Variants in FSTL4 observed in about 807,000 individuals in gnomAD.
FSTL4 encodes follistatin-related protein 4.
FSTL4 carries 28 observed loss-of-function variants against 78.2 expected under a neutral mutation model. The observed-to-expected ratio is 0.36, with a 90% CI of 0.27 to 0.49. The LOEUF (loss-of-function observed/expected upper bound fraction) is 0.49, where lower values mean the gene tolerates loss of function less well. Ranked by LOEUF, FSTL4 falls within the 20% of genes least tolerant of loss-of-function variation. The probability of loss-of-function intolerance (pLI) is 0.98; values close to 1 mark genes in which losing one functional copy is unlikely to be tolerated. For synonymous variants in FSTL4, 422 were observed against 440.5 expected (o/e 0.96, Z 0.53); for missense variants, 922 against 1,084.9 (o/e 0.85, Z 2.11).
chr5:133,216,140 C>T (rs1282440778), intron 13 of FSTL4, among the ~76,000 whole-genome samples: 1 of 152,154 alleles, frequency 6.6e-6, no homozygotes, highest in Non-Finnish European at 1.5e-5. Flanking sequence ...ATCCTTTTTA[C>T]CTCAAGCCTT....
At chr5:133,291,031 A>G (rs1753251159) in intron 6 of FSTL4, among the ~76,000 whole-genome samples, 1 of 152,222 alleles carries the variant, frequency 6.6e-6, no homozygotes, top group Admixed American at 6.5e-5. Flanking sequence ...CCATCTCCTG[A>G]GCCTGCGCTC....
At chr5:133,671,743 G>A in the FSTL4 span, among the ~76,000 whole-genome samples, 3 of 152,092 alleles carry the variant, frequency 2.0e-5, no homozygotes, top group South Asian at 6.2e-4. Context: ...CAAAGGCAGA[G>A]GAAAACAAAG....
At position 133,396,910 on chromosome 5, in the gene FSTL4, A is replaced by G. The variant is rs144993192; in HGVS notation, c.409+3828T>C. 4.1e-3 allele frequency among the ~76,000 whole-genome samples: 618 copies of G among 151,980 alleles called. 4 individuals carry two copies. The highest frequency in any genetic ancestry group is 0.01 in the Middle Eastern group (3 of 294). ...TTTCCTGTCTTTCATTAGGTTGGGAACTCCCCTCTGAAGCACCCAAATCCA... is the reference window on the plus strand; with the variant it reads ...TTTCCTGTCTTTCATTAGGTTGGGAGCTCCCCTCTGAAGCACCCAAATCCA... On this transcript the variant is annotated intron_variant, in intron 4 of 15. Transcript: ENST00000265342.
At position 133,236,454 on chromosome 5, in the gene FSTL4, C is replaced by T. The variant is rs1440520065; in HGVS notation, c.895-2917G>A. ...ACCCTGAAAACCCCAATCCAGAAAA[C>T]AAAACAAAAGCCCAGTTCCCCAGGG... On this transcript the variant is annotated intron_variant, in intron 7 of 15. Coordinates refer to ENST00000265342, the MANE Select transcript of FSTL4 (RefSeq NM_015082.2). This position sits in a 1 kb window ranked among gnomAD's most constrained non-coding sequence, Gnocchi z 5.0. 6.6e-6 allele frequency among the ~76,000 whole-genome samples: 1 copy of T among 152,042 alleles called. No individual in the cohort carries two copies. The highest frequency in any genetic ancestry group is 1.9e-4 in the East Asian group (1 of 5,194).
intron 3 of FSTL4, among the ~76,000 whole-genome samples, chr5:133,560,118 A>G (rs745907202): frequency 1.5e-4 from 23 of 152,236 alleles, no homozygotes; most frequent in South Asian, 6.2e-4. Context: ...GCACAGCAGC[A>G]TGAGAGCTGT....
intron 6 of FSTL4, among the ~76,000 whole-genome samples, chr5:133,290,834 AT>A (rs1427352942): frequency 6.6e-6 from 1 of 152,234 alleles, no homozygotes; most frequent in East Asian, 1.9e-4. Flanking sequence ...CTCGCCTGCA[AT>A]GTGGGCTGCT....
intron 3 of FSTL4, among the ~76,000 whole-genome samples, chr5:133,526,182 T>A (rs1759094768): frequency 6.6e-6 from 1 of 152,218 alleles, no homozygotes; most frequent in Non-Finnish European, 1.5e-5. Context: ...GCCATGATAT[T>A]TATGAGGCCT....
intron 3 of FSTL4, among the ~76,000 whole-genome samples, chr5:133,424,292 G>C (rs183592805): frequency 1.1e-4 from 17 of 152,246 alleles, no homozygotes; most frequent in Non-Finnish European, 2.1e-4. Context: ...AGGCCAGTTC[G>C]GAAGTTATCA....
At chr5:133,646,972 G>T in the FSTL4 span, among the ~76,000 whole-genome samples, 1 of 152,164 alleles carries the variant, frequency 6.6e-6, no homozygotes, top group African/African-American at 2.4e-5. Context: ...TGGTCACCTA[G>T]ATTTAATCAC....
the FSTL4 span, among the ~76,000 whole-genome samples, chr5:133,699,110 C>T: frequency 1.3e-5 from 2 of 152,174 alleles, no homozygotes; most frequent in Non-Finnish European, 2.9e-5. Flanking sequence ...CCAGCCCTCT[C>T]ACCAGCCCCT....
At chr5:133,342,505 C>T (rs1754603892) in intron 4 of FSTL4, among the ~76,000 whole-genome samples, 1 of 152,174 alleles carries the variant, frequency 6.6e-6, no homozygotes, top group Admixed American at 6.5e-5. Context: ...ATCCACAGCG[C>T]TTTTACCCCA....
At chr5:133,666,902 T>C in the FSTL4 span, among the ~76,000 whole-genome samples, 1 of 152,238 alleles carries the variant, frequency 6.6e-6, no homozygotes, top group Non-Finnish European at 1.5e-5. Context: ...ATTATTTCCC[T>C]GGTATCTGAA....
the FSTL4 span, among the ~76,000 whole-genome samples, chr5:133,665,771 A>C: frequency 4.4e-4 from 67 of 152,344 alleles, 1 homozygote; most frequent in African/African-American, 1.6e-3. Flanking sequence ...GAGGGGGCTG[A>C]GGGTCTCTTC....
chr5:133,668,291 C>T, the FSTL4 span, among the ~76,000 whole-genome samples: 1 of 152,126 alleles, frequency 6.6e-6, no homozygotes, highest in Non-Finnish European at 1.5e-5. Context: ...CTTCAGGGGT[C>T]AGGGGGTATG....
chr5:133,469,741 G>T (rs1757781674), intron 3 of FSTL4, among the ~76,000 whole-genome samples: 1 of 152,160 alleles, frequency 6.6e-6, no homozygotes, highest in African/African-American at 2.4e-5. Flanking sequence ...TGGTGAGCAA[G>T]GGATTTAAGT....
intron 3 of FSTL4, among the ~76,000 whole-genome samples, chr5:133,474,490 G>C (rs1011452450): frequency 6.6e-6 from 1 of 152,152 alleles, no homozygotes; most frequent in Non-Finnish European, 1.5e-5. Context: ...GCCAGGATTT[G>C]CTCATTTCTG....
chr5:133,559,220 G>T (rs2112935907), intron 3 of FSTL4, among the ~76,000 whole-genome samples: 1 of 152,346 alleles, frequency 6.6e-6, no homozygotes. Flanking sequence ...TAACCCCAGA[G>T]GCTGGTGGAT....
intron 3 of FSTL4, among the ~76,000 whole-genome samples, chr5:133,492,289 T>C (rs1425801400): frequency 6.6e-6 from 1 of 152,218 alleles, no homozygotes; most frequent in Non-Finnish European, 1.5e-5. Context: ...CAACACTTAC[T>C]TATAATTATG....
the FSTL4 span, among the ~76,000 whole-genome samples, chr5:133,674,955 C>T: frequency 6.6e-6 from 1 of 152,242 alleles, no homozygotes; most frequent in South Asian, 2.1e-4. Context: ...AGGTACTAGG[C>T]TCATTGCAGT....
Sources: gnomAD v4.1 joint callset for allele counts (sites outside exome capture counted in the v4.1 genomes callset) on GRCh38, gnomAD v4.1.1 for gene constraint, Gnocchi (gnomAD v3.1) non-coding constraint, MANE v1.5 for transcripts, NCBI Gene and HGNC (gene_info 2026-07-23, HGNC 2026-07-21) for gene names.